Variants in IFT52 observed in about 807,000 individuals in gnomAD.
IFT52 encodes the protein intraflagellar transport 52.
IFT52 carries 44 observed loss-of-function variants against 54.4 expected under a neutral mutation model. The ratio of observed to expected loss-of-function variants is 0.81; its 90% CI spans 0.63 to 1.04. The LOEUF (loss-of-function observed/expected upper bound fraction) is 1.04, where lower values mean the gene tolerates loss of function less well. Ranked by LOEUF, IFT52 falls within the 50% of genes least tolerant of loss-of-function variation. The pLI is 0.00. For synonymous variants in IFT52, 181 were observed against 185.3 expected (o/e 0.98, Z 0.19); for missense variants, 452 against 523.6 (o/e 0.86, Z 1.33).
chr20:43,601,271 C>T (rs1030629704), intron 3 of IFT52, among the ~76,000 whole-genome samples: 1 of 152,072 alleles, frequency 6.6e-6, no homozygotes, highest in Non-Finnish European at 1.5e-5. Context: ...CCTGGATCAT[C>T]CAGTCTCGAT....
rs36068236 is a variant in IFT52, at chr20:43,597,890, C to CAAAA, written c.207+1386_207+1389dup. Among the ~76,000 whole-genome samples the CAAAA allele has an allele frequency of 1.1e-4, 11 of 101,950 alleles. 1 individual carries two copies. The highest frequency in any genetic ancestry group is 5.3e-3 in the Middle Eastern group (1 of 188). The allele number at this position is 101,950 out of a possible 152,430, so 66.9% of individuals were successfully genotyped here. ...CGTTGGCAACAGAGTGAGACTCTTT[C>CAAAA]AAAAAAAAAAAAAAAAAAAAACTGC... On this transcript the variant is annotated intron_variant, in intron 3 of 13. Transcript: ENST00000373030.
intron 6 of IFT52, among the ~76,000 whole-genome samples, chr20:43,610,442 A>T (rs1344106198): frequency 6.6e-6 from 1 of 152,110 alleles, no homozygotes; most frequent in Admixed American, 6.5e-5. Flanking sequence ...GACTGTCAAG[A>T]ATCAATCTAG....
chr20:43,642,197 C>T (rs383634), intron 12 of IFT52: 236,414 of 302,084 alleles, frequency 0.78, 93,109 homozygotes, highest in Middle Eastern at 0.83. Context: ...CCTACTGTTG[C>T]ACCTGTTCTT....
At chr20:43,627,215 T>C (rs1600498927) in intron 10 of IFT52, among the ~76,000 whole-genome samples, 1 of 149,356 alleles carries the variant, frequency 6.7e-6, no homozygotes, top group South Asian at 2.1e-4. Flanking sequence ...AAAGAAGAGA[T>C]GGAAAAGCGC....
chr20:43,620,803 C>A, intron 8 of IFT52, 54 bp from the exon 9 acceptor site: 1 of 1,293,152 alleles, frequency 7.7e-7, no homozygotes, highest in Non-Finnish European at 1.1e-6. Context: ...TCCTGACCTT[C>A]AGCTTTTTCA....
At chr20:43,592,246 T>C (rs1191740012) in intron 1 of IFT52, among the ~76,000 whole-genome samples, 4 of 151,866 alleles carry the variant, frequency 2.6e-5, no homozygotes, top group Non-Finnish European at 5.9e-5. Flanking sequence ...GGAGAATTGC[T>C]TGAACTTGGG....
intron 1 of IFT52, among the ~76,000 whole-genome samples, chr20:43,593,844 G>A (rs1396007016): frequency 3.9e-5 from 6 of 152,086 alleles, no homozygotes; most frequent in Admixed American, 2.0e-4. Flanking sequence ...AGTTACAGGC[G>A]TGAGCCACTG....
chr20:43,611,141 C>T (rs1280611499), intron 6 of IFT52, among the ~76,000 whole-genome samples: 1 of 152,154 alleles, frequency 6.6e-6, no homozygotes, highest in South Asian at 2.1e-4. Context: ...ATGGACTAGT[C>T]CTGCTTCTTG....
At chr20:43,607,309 G>A (rs1304012231) in intron 6 of IFT52, among the ~76,000 whole-genome samples, 1 of 150,518 alleles carries the variant, frequency 6.6e-6, no homozygotes, top group Non-Finnish European at 1.5e-5. Flanking sequence ...CCTGGCGGGG[G>A]CTGACCCCCA....
Position 43,636,112 on chromosome 20 carries a change from G to A in IFT52, c.1011+99G>A, listed in dbSNP as rs939890470. Reference sequence around the variant, plus strand: ...GTGGTCCCTTCCATGTGCCATTTGTGGCACTCCTTGTGGAGTCATAGTGCT... The same window carrying A: ...GTGGTCCCTTCCATGTGCCATTTGTAGCACTCCTTGTGGAGTCATAGTGCT... On this transcript the variant is annotated intron_variant, in intron 11 of 13. Coordinates refer to ENST00000373030, the MANE Select transcript of IFT52 (RefSeq NM_016004.5). The A allele has an allele frequency of 9.9e-6, 11 of 1,110,682 alleles. No individual in the cohort carries two copies. The East Asian group carries it at 2.4e-4, about 24-fold the overall frequency. The allele number at this position is 1,110,682 out of a possible 1,614,324, so 68.8% of individuals were successfully genotyped here.
rs757755433 is a variant in IFT52, at chr20:43,605,034, CTGGGA to C, written c.448_452del (p.Gly150HisfsTer2). On this transcript the variant is annotated frameshift_variant, in exon 6 of 14. Coordinates refer to ENST00000373030, the MANE Select transcript of IFT52 (RefSeq NM_016004.5). LOFTEE classifies it high-confidence loss of function. ...AGCCGAGCTGCAGGAAAGGCTGTGC[CTGGGA>C]TCATTGATGAGGAAAGCAGTGGAAA... The C allele has an allele frequency of 6.2e-7, 1 of 1,613,528 alleles. No individual in the cohort carries two copies. The highest frequency in any genetic ancestry group is 8.5e-7 in the Non-Finnish European group (1 of 1,179,840).
intron 2 of IFT52, among the ~76,000 whole-genome samples, chr20:43,595,413 A>G (rs1383946222): frequency 6.6e-6 from 1 of 150,420 alleles, no homozygotes; most frequent in Non-Finnish European, 1.5e-5. Flanking sequence ...GCTGGGCATG[A>G]TCGTGCGTGC....
chr20:43,626,754 A>G (rs1398191612), intron 10 of IFT52, among the ~76,000 whole-genome samples: 1 of 151,004 alleles, frequency 6.6e-6, no homozygotes, highest in Non-Finnish European at 1.5e-5. Flanking sequence ...TATGGTAGAT[A>G]GTATGTAAAG....
At chr20:43,595,004 G>A (rs1483170220) in intron 2 of IFT52, among the ~76,000 whole-genome samples, 187 bp downstream of exon 2, 8 of 151,510 alleles carry the variant, frequency 5.3e-5, no homozygotes, top group Non-Finnish European at 5.9e-5. Context: ...AGGCTGAGGC[G>A]GGCGGATCAC....
Position 43,620,875 on chromosome 20 carries a change from C to G in IFT52, c.718C>G (p.Leu240Val). 2.5e-6 allele frequency: 4 copies of G among 1,610,794 alleles called. No individual in the cohort carries two copies. Among genetic ancestry groups the G allele is most frequent in the Non-Finnish European group, 3.4e-6 (4 of 1,178,414 alleles). The change falls in exon 9 of 14, where the codon CTC (leucine) becomes GTC (valine). Residue 240 changes from leucine to valine, a missense_variant. Leu to Val is a conservative substitution (Grantham distance 32). Transcript: ENST00000373030. ...SKIMDVVFQW[L>V]TTGDIHLNQI... Reference sequence around the variant, plus strand: ...AATTTAGGATGTTGTTTTCCAGTGGCTCACGACAGGAGACATCCACCTAAA... The same window carrying G: ...AATTTAGGATGTTGTTTTCCAGTGGGTCACGACAGGAGACATCCACCTAAA...
intron 13 of IFT52, among the ~76,000 whole-genome samples, chr20:43,646,348 T>C (rs1408170588): frequency 6.6e-6 from 1 of 152,132 alleles, no homozygotes; most frequent in Non-Finnish European, 1.5e-5. Flanking sequence ...GTTCTGAGCC[T>C]CTCCTGGAAG....
At chr20:43,595,907 AT>A (rs1189823062) in intron 2 of IFT52, among the ~76,000 whole-genome samples, 1 of 152,172 alleles carries the variant, frequency 6.6e-6, no homozygotes, top group Admixed American at 6.5e-5. Flanking sequence ...TAAAAAAAAA[AT>A]GTCTTTCGAA....
chr20:43,604,933 T>C (rs1982737092), intron 5 of IFT52, 69 bp from the exon 6 acceptor site: 1 of 1,504,120 alleles, frequency 6.6e-7, no homozygotes, highest in Non-Finnish European at 9.2e-7. Context: ...ATACTTGCTG[T>C]ACTAATGAAT....
chr20:43,633,552 A>G (rs940086146), intron 10 of IFT52, among the ~76,000 whole-genome samples: 1 of 150,980 alleles, frequency 6.6e-6, no homozygotes, highest in Non-Finnish European at 1.5e-5. Flanking sequence ...TACTAAAAAT[A>G]CAAAAATTTG....
Sources: gnomAD v4.1 joint callset for allele counts (sites outside exome capture counted in the v4.1 genomes callset) on GRCh38, gnomAD v4.1.1 for gene constraint, MANE v1.5 for transcripts, NCBI Gene and HGNC (gene_info 2026-07-23, HGNC 2026-07-21) for gene names.